The following MYO18A variants were observed in gnomAD, a reference collection of about 807,000 sequenced individuals.
The protein encoded by MYO18A is unconventional myosin-XVIIIa.
In MYO18A, 78 loss-of-function variants were observed where a neutral mutation model predicts 235.8. The observed-to-expected ratio is 0.33, with a 90% CI of 0.28 to 0.40. The LOEUF is 0.40. MYO18A is among the 10% of genes least tolerant of loss of function. The probability of loss-of-function intolerance (pLI) is 1.00; values close to 1 mark genes in which losing one functional copy is unlikely to be tolerated. For synonymous variants in MYO18A, 977 were observed against 1,077.8 expected (o/e 0.91, Z 1.83); for missense variants, 2,215 against 2,699.3 (o/e 0.82, Z 3.98).
At chr17:29,103,835 A>G (rs62065161) in intron 20 of MYO18A, among the ~76,000 whole-genome samples, 171 bp from the exon 21 acceptor site, 2,979 of 152,336 alleles carry the variant, frequency 0.02, 34 homozygotes, top group Non-Finnish European at 0.028. Flanking sequence ...GGACATAGAG[A>G]TGACTACGAG....
Position 29,120,495 on chromosome 17 carries a change from TG to T in MYO18A, c.1728+120del. 7.5e-7 allele frequency: 1 copy of T among 1,338,452 alleles called. No individual in the cohort carries two copies. The highest frequency in any genetic ancestry group is 1.0e-6 in the Non-Finnish European group (1 of 987,060). The allele number at this position is 1,338,452 out of a possible 1,614,324, so 82.9% of individuals were successfully genotyped here. A position where few individuals can be genotyped will look rare whatever the true frequency, so the allele number is the denominator to read the frequency against. On this transcript the variant is annotated intron_variant, in intron 7 of 41. Transcript: ENST00000527372. The surrounding 1 kb of genome is among the most constrained non-coding windows in gnomAD (Gnocchi z 4.2). ...AGTGCAGGCCAACCCTGCCCATGCC[TG>T]GGTCAATTTTGTTAGGGTAGAATCC...
In MYO18A at chr17:29,121,125, C is replaced by T; in HGVS notation, c.1458G>A (p.Leu486=). The T allele has an allele frequency of 5.0e-6, 8 of 1,611,432 alleles. No individual in the cohort carries two copies. The highest frequency in any genetic ancestry group is 6.8e-6 in the Non-Finnish European group (8 of 1,178,848). ...AVAQTAYRAM[L]MSRQDQSIIL... ...TGATTGACTGATCCTGACGGCTCAT[C>T]AGCATCGCCCTGTATGCGGTCTGGG... Residue 486 remains leucine (L), a synonymous_variant, in exon 6 of 42, where the codon CTG becomes CTA. Coordinates refer to ENST00000527372, the MANE Select transcript of MYO18A (RefSeq NM_078471.4). This position sits in a 1 kb window ranked among gnomAD's most constrained non-coding sequence, Gnocchi z 4.2.
intron 3 of MYO18A, 68 bp from the exon 4 acceptor site, chr17:29,122,025 C>T (rs918075302): frequency 1.2e-5 from 19 of 1,553,740 alleles, no homozygotes; most frequent in Admixed American, 1.0e-4. Flanking sequence ...GGGAACTTCT[C>T]GGTCCTATCC....
chr17:29,175,732 T>C (rs2068510051), intron 1 of MYO18A, among the ~76,000 whole-genome samples: 1 of 151,786 alleles, frequency 6.6e-6, no homozygotes, highest in Admixed American at 6.6e-5. Context: ...ACTATAAACA[T>C]ATATAGTGCC....
chr17:29,178,746 G>T (rs1412986690), intron 1 of MYO18A, among the ~76,000 whole-genome samples: 1 of 152,136 alleles, frequency 6.6e-6, no homozygotes, highest in African/African-American at 2.4e-5. Context: ...AAAAGGGTGG[G>T]GAACATTAGG....
rs1281657673 is a variant in MYO18A at position 29,095,025 on chromosome 17, C to T, written c.4420G>A (p.Ala1474Thr). The T allele has an allele frequency of 1.9e-6, 3 of 1,573,328 alleles. No individual in the cohort carries two copies. The highest frequency in any genetic ancestry group is 2.7e-5 in the African/African-American group (2 of 73,882). Reference protein sequence around the residue: ...DSELSQAHEEAQREKLQREKL... With the variant: ...DSELSQAHEETQREKLQREKL... The stretch of plus-strand genomic sequence containing the variant: ...TCCCGCTGCAGCTTCTCCCGCTGGG[C>T]CTCCTCATGCGCCTGCGAGAGCTCA... The change falls in exon 29 of 42, where the codon GCC (alanine) becomes ACC (threonine). Residue 1474 changes from alanine (A) to threonine (T), a missense_variant. Physicochemically the swap from Ala to Thr is moderately conservative, Grantham distance 58 (BLOSUM62 0). Coordinates refer to ENST00000527372, the MANE Select transcript of MYO18A (RefSeq NM_078471.4).
intron 2 of MYO18A, among the ~76,000 whole-genome samples, chr17:29,141,111 TC>T (rs892438697): frequency 3.3e-5 from 5 of 152,084 alleles, no homozygotes; most frequent in African/African-American, 1.2e-4. Context: ...TACATCCCTC[TC>T]CCCTCCACAG....
intron 3 of MYO18A, 55 bp from the exon 4 acceptor site, chr17:29,122,012 C>T: frequency 6.3e-7 from 1 of 1,583,564 alleles, no homozygotes; most frequent in Non-Finnish European, 8.7e-7. Flanking sequence ...TGCTACTCCA[C>T]TTGGGAACTT....
Position 29,137,926 on chromosome 17 carries a change from C to CAA in MYO18A, c.1000-15675_1000-15674dup, listed in dbSNP as rs139151161. On this transcript the variant is annotated intron_variant, in intron 2 of 41. Coordinates refer to ENST00000527372, the MANE Select transcript of MYO18A (RefSeq NM_078471.4). ...TTTATTGTGAAGATGGCTAAATAGT[C>CAA]AAAAAAAAAGCAAAGGAGATAATAG... Among the ~76,000 whole-genome samples the CAA allele has an allele frequency of 4.7e-5, 7 of 149,648 alleles. 1 individual carries two copies. In the South Asian group the frequency reaches 6.3e-4, roughly 14 times the overall value.
chr17:29,118,329 T>C lies in MYO18A; in HGVS notation c.1893+48A>G. 6.3e-7 allele frequency: 1 copy of C among 1,580,194 alleles called. No homozygotes were observed. The highest frequency in any genetic ancestry group is 1.3e-5 in the African/African-American group (1 of 74,272). ...CCACAGGACCCATGGAGGCTTCTCC[T>C]ACCCCCAAGGCCCAGGGCTGGCAAC... is the stretch of plus-strand genomic sequence containing the variant. On this transcript the variant is annotated intron_variant, in intron 9 of 41. Coordinates refer to ENST00000527372, the MANE Select transcript of MYO18A (RefSeq NM_078471.4). The surrounding 1 kb of genome is among the most constrained non-coding windows in gnomAD (Gnocchi z 4.2).
intron 2 of MYO18A, among the ~76,000 whole-genome samples, chr17:29,156,293 C>G (rs981244780): frequency 1.3e-5 from 2 of 152,216 alleles, no homozygotes; most frequent in Non-Finnish European, 2.9e-5. Context: ...GAGACAGACA[C>G]TGCGTAGCCC....
chr17:29,084,690 C>A (rs2066208073), intron 40 of MYO18A, among the ~76,000 whole-genome samples: 1 of 152,140 alleles, frequency 6.6e-6, no homozygotes, highest in African/African-American at 2.4e-5. Flanking sequence ...CACACTATTA[C>A]ATTTATCATT....
In MYO18A at chr17:29,073,868, CCT is replaced by C; in HGVS notation, c.*900_*901del. 1 of 1,592,328 alleles carries C rather than the reference CCT, an allele frequency of 6.3e-7. No individual in the cohort carries two copies. Among genetic ancestry groups the C allele is most frequent in the Non-Finnish European group, 8.6e-7 (1 of 1,162,726 alleles). ...CACAAGTCCTCAACCCCAAGCCTTCCCTCTCAAGTTGAGTTTATGGTCCAGAC... is the reference window on the plus strand; with the variant it reads ...CACAAGTCCTCAACCCCAAGCCTTCCCTCAAGTTGAGTTTATGGTCCAGAC... On this transcript the variant is annotated 3_prime_UTR_variant, in exon 42 of 42. Transcript: ENST00000527372.
intron 2 of MYO18A, among the ~76,000 whole-genome samples, chr17:29,162,695 A>G (rs2068199526): frequency 6.6e-6 from 1 of 152,224 alleles, no homozygotes; most frequent in South Asian, 2.1e-4. Context: ...GCTGGAGCCC[A>G]GGACCTAGTA....
chr17:29,128,621 G>A, intron 2 of MYO18A: 6 of 1,085,588 alleles, frequency 5.5e-6, no homozygotes, highest in Middle Eastern at 2.6e-4. Context: ...GGAATAAGAA[G>A]GTGTGACCTC....
At position 29,111,623 on chromosome 17, in the gene MYO18A, A is replaced by T; in HGVS notation, c.2741-40T>A. The T allele has an allele frequency of 6.2e-7, 1 of 1,612,616 alleles. No individual in the cohort carries two copies. The highest frequency in any genetic ancestry group is 8.5e-7 in the Non-Finnish European group (1 of 1,178,880). ...AGCAAGATTTAGGTCGTCAGGGTAC[A>T]GGCACAAAGTGACCCCCGCCCCCTC... On this transcript the variant is annotated intron_variant, in intron 16 of 41. Coordinates refer to ENST00000527372, the MANE Select transcript of MYO18A (RefSeq NM_078471.4). This position sits in a 1 kb window ranked among gnomAD's most constrained non-coding sequence, Gnocchi z 5.1.
rs866212754 is a variant in MYO18A at position 29,096,886 on chromosome 17, C to A, written c.4260G>T (p.Glu1420Asp). 6.3e-7 allele frequency: 1 copy of A among 1,578,388 alleles called. No individual in the cohort carries two copies. Among genetic ancestry groups the A allele is most frequent in the South Asian group, 1.2e-5 (1 of 85,814 alleles). The change falls in exon 28 of 42, where the codon GAG (glutamate) becomes GAT (aspartate). Residue 1420 changes from glutamate to aspartate, a missense_variant. Transcript: ENST00000527372. ...RLGDLQADSE[E>D]SQRALQQLKK... is the part of the protein sequence containing the mutation. ...TGAGCTGCTGCAGAGCCCGCTGACTCTCCTCACTATCTGCCTGCAGGTCCC... is the reference window on the plus strand; with the variant it reads ...TGAGCTGCTGCAGAGCCCGCTGACTATCCTCACTATCTGCCTGCAGGTCCC...
Position 29,165,972 on chromosome 17 carries a change from G to A in MYO18A, c.969C>T (p.Ser323=), listed in dbSNP as rs1045308209. 9.3e-6 allele frequency: 15 copies of A among 1,613,188 alleles called. No individual in the cohort carries two copies. Among genetic ancestry groups the A allele is most frequent in the African/African-American group, 2.7e-5 (2 of 74,930 alleles). Residue 323 remains serine (S), a synonymous_variant, in exon 2 of 42, where the codon AGC becomes AGT. Transcript: ENST00000527372. The part of the protein sequence containing the change: ...LSELSRSWLR[S]GEGPRREPSD... ...ATGGCTCCCTGCGAGGTCCCTCGCC[G>A]CTCCGCAGCCAGCTCCTGCTGAGCT...
intron 1 of MYO18A, among the ~76,000 whole-genome samples, chr17:29,167,843 C>A (rs1026471874): frequency 1.5e-4 from 23 of 152,162 alleles, no homozygotes; most frequent in African/African-American, 5.6e-4. Context: ...AGAGTAGCAC[C>A]CTTAGCCACC....
Sources: gnomAD v4.1 joint callset for allele counts (sites outside exome capture counted in the v4.1 genomes callset) on GRCh38, gnomAD v4.1.1 for gene constraint, Gnocchi (gnomAD v3.1) non-coding constraint, MANE v1.5 for transcripts, NCBI Gene and HGNC (gene_info 2026-07-23, HGNC 2026-07-21) for gene names.